Variants in NAALADL2 observed in about 807,000 individuals in gnomAD.
NAALADL2 encodes N-acetylated alpha-linked acidic dipeptidase like 2.
NAALADL2 carries 76 observed loss-of-function variants against 87.2 expected under a neutral mutation model. The observed-to-expected ratio is 0.87, with a 90% CI of 0.72 to 1.05. The LOEUF (loss-of-function observed/expected upper bound fraction) is 1.05. NAALADL2 is among the 50% of genes least tolerant of loss of function. The pLI is 0.00. For synonymous variants in NAALADL2, 354 were observed against 331.0 expected, an observed-to-expected ratio of 1.07 and a Z score of -0.75; for missense variants, 1,089 against 945.8, an observed-to-expected ratio of 1.15 and a Z score of -1.99.
chr3:174,574,714 T>C (rs919903259), intron 2 of NAALADL2, among the ~76,000 whole-genome samples: 1 of 152,122 alleles, frequency 6.6e-6, no homozygotes, highest in African/African-American at 2.4e-5. Context: ...ATATTCCCTA[T>C]AGAAGCAAAT....
intron 2 of NAALADL2, among the ~76,000 whole-genome samples, chr3:174,638,160 C>T (rs1350568334): frequency 6.6e-6 from 1 of 151,998 alleles, no homozygotes; most frequent in Non-Finnish European, 1.5e-5. Flanking sequence ...TATTAAAATG[C>T]ACAATATGAG....
intron 2 of NAALADL2, among the ~76,000 whole-genome samples, chr3:175,149,104 G>T (rs1030451791): frequency 1.3e-5 from 2 of 151,942 alleles, no homozygotes; most frequent in African/African-American, 4.8e-5. Context: ...TTCCTTTTTT[G>T]TGTGTGTCAT....
chr3:175,602,456 A>ATC (rs1423096574), intron 10 of NAALADL2, among the ~76,000 whole-genome samples: 5 of 72,604 alleles, frequency 6.9e-5, no homozygotes, highest in African/African-American at 1.9e-4. Context: ...GTATGTGTGT[A>ATC]TCTATATATA....
intron 1 of NAALADL2, among the ~76,000 whole-genome samples, chr3:175,026,053 C>A (rs751958177): frequency 2.6e-5 from 4 of 152,090 alleles, no homozygotes; most frequent in Non-Finnish European, 4.4e-5. Flanking sequence ...TCAAACCATA[C>A]ACTTGCCTTG....
At chr3:175,450,759 G>A (rs1359069760) in intron 6 of NAALADL2, among the ~76,000 whole-genome samples, 2 of 152,170 alleles carry the variant, frequency 1.3e-5, no homozygotes, top group African/African-American at 4.8e-5. Flanking sequence ...GGGAAATGCT[G>A]GCAACAGTTC....
intron 5 of NAALADL2, among the ~76,000 whole-genome samples, chr3:175,417,323 G>A (rs777093354): frequency 1.3e-4 from 20 of 151,576 alleles, no homozygotes; most frequent in Non-Finnish European, 2.7e-4. Flanking sequence ...CACATTAATC[G>A]TCCATCATAA....
intron 1 of NAALADL2, among the ~76,000 whole-genome samples, chr3:175,084,067 T>A (rs1211128797): frequency 6.6e-6 from 1 of 152,116 alleles, no homozygotes; most frequent in East Asian, 1.9e-4. Context: ...TCTTATATGC[T>A]TTGGAAAGGA....
intron 1 of NAALADL2, among the ~76,000 whole-genome samples, chr3:175,045,990 C>G (rs907979619): frequency 1.1e-4 from 17 of 150,696 alleles, no homozygotes; most frequent in African/African-American, 4.2e-4. Flanking sequence ...ACCTCCTAAC[C>G]GTTAATATGT....
At chr3:175,694,099 T>G (rs1737416362) in intron 11 of NAALADL2, among the ~76,000 whole-genome samples, 2 of 152,188 alleles carry the variant, frequency 1.3e-5, no homozygotes, top group Non-Finnish European at 2.9e-5. Context: ...TAGTAATGTT[T>G]TGGTACTGCA....
chr3:175,250,343 G>A (rs1748836794), intron 3 of NAALADL2, among the ~76,000 whole-genome samples: 1 of 151,498 alleles, frequency 6.6e-6, no homozygotes, highest in South Asian at 2.1e-4. Flanking sequence ...CAAGCCAGTA[G>A]GAGAGCCATT....
chr3:175,332,049 C>G (rs1761466034), intron 5 of NAALADL2, among the ~76,000 whole-genome samples: 1 of 152,064 alleles, frequency 6.6e-6, no homozygotes, highest in South Asian at 2.1e-4. Flanking sequence ...ACAAAGAAAA[C>G]TCCAAAATAC....
chr3:175,404,192 C>A (rs193181453), intron 5 of NAALADL2, among the ~76,000 whole-genome samples: 1 of 152,198 alleles, frequency 6.6e-6, no homozygotes, highest in African/African-American at 2.4e-5. Flanking sequence ...GTGGAAACAG[C>A]AAGTACTTGC....
At chr3:174,583,169 A>G (rs1716354996) in intron 2 of NAALADL2, among the ~76,000 whole-genome samples, 1 of 152,208 alleles carries the variant, frequency 6.6e-6, no homozygotes, top group Non-Finnish European at 1.5e-5. Context: ...TCCAGTGTAA[A>G]TCTATAATAT....
chr3:175,678,879 C>G (rs1735207809), intron 11 of NAALADL2, among the ~76,000 whole-genome samples: 1 of 152,136 alleles, frequency 6.6e-6, no homozygotes, highest in African/African-American at 2.4e-5. Flanking sequence ...GAAGAGACCA[C>G]CAAACAGGCT....
chr3:175,077,824 G>A (rs950473459), intron 1 of NAALADL2, among the ~76,000 whole-genome samples: 4 of 151,990 alleles, frequency 2.6e-5, no homozygotes, highest in African/African-American at 9.7e-5. Context: ...CATGTATACG[G>A]AAAAAGAAGA....
chr3:174,489,983 A>G (rs1240266308), intron 1 of NAALADL2, among the ~76,000 whole-genome samples: 1 of 152,094 alleles, frequency 6.6e-6, no homozygotes, highest in Admixed American at 6.6e-5. Flanking sequence ...TGTTTTGGAA[A>G]ACAGTTGGGC....
intron 13 of NAALADL2, among the ~76,000 whole-genome samples, chr3:175,792,563 G>A (rs79689313): frequency 6.6e-6 from 1 of 152,092 alleles, no homozygotes; most frequent in Non-Finnish European, 1.5e-5. Flanking sequence ...TCAACTAAAT[G>A]AATTATCTAA....
At position 175,596,297 on chromosome 3, in the gene NAALADL2, A is replaced by G. The variant is rs1303672504; in HGVS notation, c.1800+20110A>G. The stretch of plus-strand genomic sequence containing the variant: ...ATAGAAAATAGAATCTTGATTTGCT[A>G]TGGTTCCAGATGGTGGTTTGCTTAT... On this transcript the variant is annotated intron_variant, in intron 10 of 13. Transcript: ENST00000454872. Among the ~76,000 whole-genome samples, 9 of 151,994 alleles carry G rather than the reference A, an allele frequency of 5.9e-5. 1 individual carries two copies. The South Asian group carries it at 8.3e-4, about 14-fold the overall frequency.
At chr3:175,308,976 T>C (rs1758019383) in intron 4 of NAALADL2, among the ~76,000 whole-genome samples, 1 of 152,176 alleles carries the variant, frequency 6.6e-6, no homozygotes, top group African/African-American at 2.4e-5. Flanking sequence ...ATATGAATCC[T>C]TGAGCATGCC....
Sources: gnomAD v4.1 joint callset for allele counts (sites outside exome capture counted in the v4.1 genomes callset) on GRCh38, gnomAD v4.1.1 for gene constraint, MANE v1.5 for transcripts, NCBI Gene and HGNC (gene_info 2026-07-23, HGNC 2026-07-21) for gene names.